PTPDC1: variants seen among roughly 807,000 people sequenced by gnomAD.
PTPDC1 encodes protein tyrosine phosphatase domain-containing protein 1.
PTPDC1 carries 53 observed loss-of-function variants against 75.3 expected under a neutral mutation model. The ratio of observed to expected loss-of-function variants is 0.70; its 90% confidence interval spans 0.56 to 0.88. The LOEUF is 0.88. Among genes scored for constraint, PTPDC1 ranks in the 40% least tolerant of loss-of-function variants. The probability of loss-of-function intolerance (pLI) is 0.00; values close to 1 mark genes in which losing one functional copy is unlikely to be tolerated. For synonymous variants in PTPDC1, 349 were observed against 366.2 expected (o/e 0.95, Z 0.54); for missense variants, 925 against 998.6 (o/e 0.93, Z 0.99).
chr9:94,097,732 A>T lies in PTPDC1; in HGVS notation c.1166A>T (p.Glu389Val), dbSNP rs1827655800. The change falls in exon 6 of 9, where the codon GAG becomes GTG. Residue 389 changes from glutamate to valine, a missense_variant. By Grantham distance (121) the Glu-to-Val change is moderately radical. Transcript: ENST00000620992. ...SEMVTMQLDK[E>V]LLRHDSDVSN... ...ATGGTCACCATGCAGCTGGATAAAG[A>T]GTTACTGAGGCATGACAGTGATGTG... 8.1e-6 allele frequency: 13 copies of T among 1,614,072 alleles called. No homozygotes were observed. The highest frequency in any genetic ancestry group is 1.0e-5 in the Non-Finnish European group (12 of 1,179,924).
intron 7 of PTPDC1, among the ~76,000 whole-genome samples, chr9:94,102,364 T>C (rs745869113): frequency 1.3e-5 from 2 of 151,530 alleles, no homozygotes; most frequent in African/African-American, 4.8e-5. Context: ...AAAAGATATA[T>C]GTTTAAAATA....
At chr9:94,081,021 G>T (rs541136921), upstream of PTPDC1, among the ~76,000 whole-genome samples, 2 of 116,066 alleles carry the variant, frequency 1.7e-5, no homozygotes, top group African/African-American at 7.0e-5. Flanking sequence ...AGACAGTCCC[G>T]CTCTGTCACC....
chr9:94,093,619 G>A (rs1827415934), intron 4 of PTPDC1, among the ~76,000 whole-genome samples: 1 of 151,470 alleles, frequency 6.6e-6, no homozygotes, highest in African/African-American at 2.4e-5. Flanking sequence ...TCCTGAATCT[G>A]AACATTGGCC....
intron 6 of PTPDC1, chr9:94,101,057 A>G (rs534880725): frequency 5.9e-5 from 9 of 152,304 alleles, no homozygotes; most frequent in Admixed American, 4.6e-4. Context: ...AAGCACCTTT[A>G]TTTTATTTTT....
At chr9:94,033,991 A>G (rs1436570784) in intron 1 of PTPDC1, among the ~76,000 whole-genome samples, 2 of 152,228 alleles carry the variant, frequency 1.3e-5, no homozygotes, top group African/African-American at 4.8e-5. Context: ...TGTAGACAAT[A>G]TAACTGTAAA....
In PTPDC1 at chr9:94,097,966, C is replaced by T. The variant is rs1316571544; in HGVS notation, c.1400C>T (p.Thr467Ile). 1.4e-5 allele frequency: 22 copies of T among 1,614,092 alleles called. No homozygotes were observed. Among genetic ancestry groups the T allele is most frequent in the Non-Finnish European group, 1.9e-5 (22 of 1,180,054 alleles). ...NLLEQGETPQ[T>I]VPAQILVGHK... ...CTGGAGCAAGGGGAGACTCCACAGA[C>T]AGTGCCTGCCCAGATCTTGGTTGGC... is the stretch of plus-strand genomic sequence containing the variant. Residue 467 changes from threonine (T) to isoleucine (I), a missense_variant, in exon 6 of 9, where the codon ACA becomes ATA. Physicochemically the swap from Thr to Ile is moderately conservative, Grantham distance 89 (BLOSUM62 -1). Transcript: ENST00000620992.
intron 8 of PTPDC1, among the ~76,000 whole-genome samples, chr9:94,107,267 A>T (rs1436127290): frequency 6.6e-6 from 1 of 152,192 alleles, no homozygotes; most frequent in Non-Finnish European, 1.5e-5. Context: ...TGAGGTTTGT[A>T]TATATGTGCC....
intron 1 of PTPDC1, among the ~76,000 whole-genome samples, chr9:94,037,596 AT>A (rs201208381): frequency 6.6e-5 from 10 of 150,606 alleles, no homozygotes; most frequent in East Asian, 5.8e-4. Context: ...TTTAAACAGA[AT>A]TTTTTTTTTC....
chr9:94,075,020 C>G (rs950681322), intron 2 of PTPDC1, among the ~76,000 whole-genome samples: 5 of 152,162 alleles, frequency 3.3e-5, no homozygotes, highest in African/African-American at 1.2e-4. Flanking sequence ...AATCCCACTT[C>G]AAACCACCCT....
intron 7 of PTPDC1, among the ~76,000 whole-genome samples, chr9:94,102,236 G>A (rs1460911796): frequency 6.6e-6 from 1 of 152,020 alleles, no homozygotes; most frequent in African/African-American, 2.4e-5. Flanking sequence ...GAAAAATTAT[G>A]AATTAGGTTG....
chr9:94,106,601 G>A (rs535842003), intron 8 of PTPDC1, among the ~76,000 whole-genome samples: 51 of 152,264 alleles, frequency 3.3e-4, no homozygotes, highest in East Asian at 1.4e-3. Flanking sequence ...CAGGAATCTC[G>A]TATCTTCTAC....
At chr9:94,087,804 C>T in intron 2 of PTPDC1, 27 bp from the exon 3 acceptor site, 1 of 1,564,930 alleles carries the variant, frequency 6.4e-7, no homozygotes, top group Non-Finnish European at 8.8e-7. Context: ...TTCAGCACAT[C>T]TCACCAGTCC....
chr9:94,047,304 C>T (rs937952267), intron 1 of PTPDC1, among the ~76,000 whole-genome samples: 5 of 152,072 alleles, frequency 3.3e-5, no homozygotes, highest in Non-Finnish European at 7.4e-5. Context: ...GTCTAAAATT[C>T]TCTTTTTTTG....
intron 2 of PTPDC1, among the ~76,000 whole-genome samples, chr9:94,078,333 C>G (rs940726549): frequency 6.6e-6 from 1 of 152,250 alleles, no homozygotes; most frequent in African/African-American, 2.4e-5. Context: ...TATGTCGTTC[C>G]TCTACTTTCT....
chr9:94,092,985 C>T (rs139530382), intron 4 of PTPDC1, among the ~76,000 whole-genome samples: 7,206 of 150,972 alleles, frequency 0.048, 305 homozygotes, highest in East Asian at 0.15. Flanking sequence ...TGTCTCTGCA[C>T]GTGAGATGGG....
chr9:94,088,444 T>C (rs945277346), intron 4 of PTPDC1, among the ~76,000 whole-genome samples, 181 bp downstream of exon 4: 4 of 152,222 alleles, frequency 2.6e-5, no homozygotes, highest in Non-Finnish European at 5.9e-5. Flanking sequence ...GATTTCTTTG[T>C]TCCTGTAAGA....
chr9:94,075,889 T>C (rs1826668066), intron 2 of PTPDC1, among the ~76,000 whole-genome samples: 1 of 152,228 alleles, frequency 6.6e-6, no homozygotes, highest in South Asian at 2.1e-4. Context: ...CCAGTGTTTT[T>C]AGAACATTCA....
At chr9:94,067,022 C>T (rs1826331364) in intron 2 of PTPDC1, among the ~76,000 whole-genome samples, 1 of 152,148 alleles carries the variant, frequency 6.6e-6, no homozygotes, top group African/African-American at 2.4e-5. Flanking sequence ...CTCAGCCACT[C>T]ACTTCTCTCA....
intron 1 of PTPDC1, among the ~76,000 whole-genome samples, chr9:94,059,281 GA>G (rs1826057386): frequency 6.6e-6 from 1 of 152,198 alleles, no homozygotes; most frequent in African/African-American, 2.4e-5. Context: ...AAAGCTTGAG[GA>G]AATTATAGAT....
Sources: allele counts gnomAD v4.1 joint callset (sites outside exome capture counted in the v4.1 genomes callset), GRCh38; gene constraint gnomAD v4.1.1; transcripts MANE v1.5; gene names NCBI Gene and HGNC (gene_info 2026-07-23, HGNC 2026-07-21).